The following COL21A1 variants were observed in gnomAD, a reference collection of about 807,000 sequenced individuals.
COL21A1 encodes collagen alpha-1(XXI) chain.
A neutral mutation model predicts 137.9 loss-of-function variants in COL21A1; 149 were observed. The observed-to-expected ratio is 1.08, with a 90% confidence interval of 0.95 to 1.24. COL21A1 has a LOEUF of 1.24. COL21A1 is among the 50% of genes most tolerant of loss of function. The pLI is 0.00. For missense variants in COL21A1, 1,167 were observed against 1,158.4 expected, an observed-to-expected ratio of 1.01 and a Z score of -0.11; for synonymous variants, 456 against 391.5, an observed-to-expected ratio of 1.16 and a Z score of -1.95.
At chr6:56,368,604 A>G (rs1164004416) in intron 1 of COL21A1, among the ~76,000 whole-genome samples, 1 of 152,242 alleles carries the variant, frequency 6.6e-6, no homozygotes, top group Non-Finnish European at 1.5e-5. Flanking sequence ...TTCTTACTCC[A>G]CAACCTCTTC....
At chr6:56,243,440 C>T (rs983251512) in intron 1 of COL21A1, among the ~76,000 whole-genome samples, 2 of 152,236 alleles carry the variant, frequency 1.3e-5, no homozygotes, top group South Asian at 2.1e-4. Context: ...GACAAATTAT[C>T]CCATTAAATA....
intron 1 of COL21A1, among the ~76,000 whole-genome samples, chr6:56,288,115 A>G (rs1763956505): frequency 6.6e-6 from 1 of 152,218 alleles, no homozygotes; most frequent in Non-Finnish European, 1.5e-5. Flanking sequence ...AAGTTGTTGC[A>G]GCAGCAATAG....
chr6:56,277,536 T>A (rs1000782989), intron 1 of COL21A1, among the ~76,000 whole-genome samples: 7 of 152,248 alleles, frequency 4.6e-5, no homozygotes, highest in Admixed American at 4.6e-4. Flanking sequence ...AGCACTACTA[T>A]GTATGCATAA....
At chr6:56,230,430 A>G (rs1048394691) in intron 1 of COL21A1, among the ~76,000 whole-genome samples, 1 of 151,940 alleles carries the variant, frequency 6.6e-6, no homozygotes, top group Non-Finnish European at 1.5e-5. Flanking sequence ...AAAAAAGTCA[A>G]GTTTCCAAAG....
At chr6:56,175,444 A>C (rs1483803548) in intron 3 of COL21A1, among the ~76,000 whole-genome samples, 2 of 152,162 alleles carry the variant, frequency 1.3e-5, no homozygotes, top group African/African-American at 4.8e-5. Flanking sequence ...CAATTAAGCA[A>C]ATTTGGAGAA....
At chr6:56,201,331 G>A (rs1190697570) in intron 1 of COL21A1, among the ~76,000 whole-genome samples, 1 of 152,112 alleles carries the variant, frequency 6.6e-6, no homozygotes, top group Admixed American at 6.6e-5. Context: ...TGTCAATTTT[G>A]GCTTTTGTTG....
chr6:56,246,644 G>A (rs1782661952), intron 1 of COL21A1, among the ~76,000 whole-genome samples: 1 of 152,092 alleles, frequency 6.6e-6, no homozygotes, highest in African/African-American at 2.4e-5. Context: ...TACCTGGAGG[G>A]CTCATTAAAA....
chr6:56,329,545 G>T (rs1469685312), intron 1 of COL21A1, among the ~76,000 whole-genome samples: 1 of 152,044 alleles, frequency 6.6e-6, no homozygotes, highest in African/African-American at 2.4e-5. Context: ...TAGTTCAGGG[G>T]TGAGAGGAAA....
chr6:56,228,293 T>A (rs1209393598), intron 1 of COL21A1, among the ~76,000 whole-genome samples: 3 of 151,748 alleles, frequency 2.0e-5, no homozygotes, highest in African/African-American at 7.2e-5. Context: ...AGCAGTCAAA[T>A]GAGAGGCAGT....
chr6:56,275,536 G>A (rs532056353), intron 1 of COL21A1, among the ~76,000 whole-genome samples: 42 of 151,972 alleles, frequency 2.8e-4, no homozygotes, highest in African/African-American at 7.7e-4. Flanking sequence ...AAATAATCCC[G>A]TTAAAAATGG....
chr6:56,089,267 G>C (rs1768560186), intron 17 of COL21A1, among the ~76,000 whole-genome samples: 1 of 152,072 alleles, frequency 6.6e-6, no homozygotes, highest in Admixed American at 6.6e-5. Context: ...GTTAATTTTA[G>C]GCAGTTATGA....
chr6:56,187,715 C>T (rs1017260589), intron 1 of COL21A1, among the ~76,000 whole-genome samples: 1 of 140,950 alleles, frequency 7.1e-6, no homozygotes, highest in Non-Finnish European at 1.5e-5. Flanking sequence ...AAAACTAAAA[C>T]TATAAGTCTT....
At chr6:56,098,030 T>A (rs1272662111) in intron 17 of COL21A1, among the ~76,000 whole-genome samples, 1 of 16,586 alleles carries the variant, frequency 6.0e-5, no homozygotes, top group African/African-American at 3.5e-4. Flanking sequence ...TAAATATATA[T>A]GTAAATATAT....
intron 17 of COL21A1, among the ~76,000 whole-genome samples, chr6:56,079,208 T>C (rs1241067804): frequency 1.3e-5 from 2 of 151,636 alleles, no homozygotes; most frequent in African/African-American, 4.8e-5. Context: ...GTGTAAATTC[T>C]TCTCAGAAGG....
At chr6:56,361,487 T>C (rs2152348513) in intron 1 of COL21A1, among the ~76,000 whole-genome samples, 1 of 152,296 alleles carries the variant, frequency 6.6e-6, no homozygotes, top group East Asian at 1.9e-4. Context: ...TTATAATCCA[T>C]TCAGTGGACT....
intron 1 of COL21A1, among the ~76,000 whole-genome samples, chr6:56,370,619 A>G (rs1441730021): frequency 1.3e-5 from 2 of 152,202 alleles, no homozygotes; most frequent in African/African-American, 4.8e-5. Flanking sequence ...GCTGCTCCCT[A>G]TGATACCATC....
chr6:56,269,955 C>T (rs1323956625), intron 1 of COL21A1, among the ~76,000 whole-genome samples: 9 of 152,136 alleles, frequency 5.9e-5, no homozygotes, highest in South Asian at 2.1e-4. Context: ...AACAAAAGAA[C>T]GACACCTGCT....
chr6:56,252,849 T>A (rs1423555518), intron 1 of COL21A1, among the ~76,000 whole-genome samples: 1 of 152,160 alleles, frequency 6.6e-6, no homozygotes, highest in Non-Finnish European at 1.5e-5. Context: ...AGCCACTGCA[T>A]GGAGAGAAAA....
At chr6:56,254,543 G>T (rs1390316019) in intron 1 of COL21A1, among the ~76,000 whole-genome samples, 1 of 152,108 alleles carries the variant, frequency 6.6e-6, no homozygotes, top group Non-Finnish European at 1.5e-5. Context: ...ATCAATAACA[G>T]AATTAAATTT....
Sources: allele counts gnomAD v4.1 joint callset (sites outside exome capture counted in the v4.1 genomes callset), GRCh38; gene constraint gnomAD v4.1.1; transcripts MANE v1.5; gene names NCBI Gene and HGNC (gene_info 2026-07-23, HGNC 2026-07-21).